MPP2: variants seen among roughly 807,000 people sequenced by gnomAD.
MPP2 encodes the protein MAGUK p55 scaffold protein 2.
MPP2 carries 42 observed loss-of-function variants against 58.5 expected under a neutral mutation model. That is an observed-to-expected ratio of 0.72 (90% CI 0.56 to 0.93). The LOEUF (loss-of-function observed/expected upper bound fraction) is 0.93, where lower values mean the gene tolerates loss of function less well. MPP2 is among the 40% of genes least tolerant of loss of function. The probability of loss-of-function intolerance (pLI) is 0.00; values close to 1 mark genes in which losing one functional copy is unlikely to be tolerated. For missense variants in MPP2, 632 were observed against 760.4 expected (o/e 0.83, Z 1.99); for synonymous variants, 300 against 307.8 (o/e 0.97, Z 0.26).
At chr17:43,885,879 G>A (rs910071157) in intron 3 of MPP2, among the ~76,000 whole-genome samples, 2 of 152,114 alleles carry the variant, frequency 1.3e-5, no homozygotes, top group African/African-American at 4.8e-5. Context: ...GGAAGCCAAG[G>A]CAGGAGGATC....
At position 43,900,722 on chromosome 17, in the gene MPP2, C is replaced by T. The variant is rs1374037490; in HGVS notation, c.32-2342G>A. On this transcript the variant is annotated intron_variant, in intron 2 of 12. Transcript: ENST00000269095. ...TGACCGCCTTGCTGATTGGCTAAAG[C>T]CCTGACTGGCGCTGCGCGGTGCAGA... The T allele has an allele frequency of 1.3e-5, 16 of 1,252,236 alleles. No individual in the cohort carries two copies. The East Asian group carries it at 3.6e-4, about 28-fold the overall frequency. 77.6% of individuals were successfully genotyped at this position (1,252,236 alleles called of 1,614,324 possible).
intron 3 of MPP2, among the ~76,000 whole-genome samples, chr17:43,892,900 A>T (rs231505): frequency 0.8 from 121,827 of 152,094 alleles, 49,815 homozygotes; most frequent in East Asian, 1. Context: ...CTTGGGCTTC[A>T]TCAGGAAAAC....
At chr17:43,884,379 T>C (rs1252655923) in intron 3 of MPP2, among the ~76,000 whole-genome samples, 1 of 152,238 alleles carries the variant, frequency 6.6e-6, no homozygotes, top group Admixed American at 6.5e-5. Context: ...TGTTTTGTTT[T>C]TTTTGTTTCT....
chr17:43,907,150 C>T, intron 1 of MPP2: 2 of 984,010 alleles, frequency 2.0e-6, no homozygotes, highest in South Asian at 4.7e-5. Flanking sequence ...CTTCTAAGTA[C>T]CCCCAACCCG....
upstream of MPP2, chr17:43,907,960 G>T (rs1162659676): frequency 1.0e-6 from 1 of 985,282 alleles, no homozygotes; most frequent in Non-Finnish European, 1.2e-6. Flanking sequence ...ACTTCAGAGA[G>T]ACTCCCAGGA....
chr17:43,899,368 C>T (rs537165), intron 2 of MPP2, among the ~76,000 whole-genome samples: 121,603 of 151,946 alleles, frequency 0.8, 49,671 homozygotes, highest in East Asian at 1. Flanking sequence ...AGACAGTACT[C>T]GGAGCAAGTC....
At chr17:43,900,578 C>G (rs911721031) in intron 2 of MPP2, 10 of 1,533,684 alleles carry the variant, frequency 6.5e-6, no homozygotes, top group Admixed American at 4.0e-5. Flanking sequence ...CGGGGACTCC[C>G]GGAGCGTCCT....
chr17:43,884,695 A>G (rs1343898786), intron 3 of MPP2, among the ~76,000 whole-genome samples: 1 of 152,218 alleles, frequency 6.6e-6, no homozygotes, highest in Non-Finnish European at 1.5e-5. Flanking sequence ...CTGTTCCCCC[A>G]AAATCCTTCA....
At chr17:43,904,370 G>C in intron 2 of MPP2, 60 bp downstream of exon 2, 1 of 1,564,110 alleles carries the variant, frequency 6.4e-7, no homozygotes, top group Non-Finnish European at 8.8e-7. Context: ...CCACCCCTAA[G>C]TCCTCGCCTG....
rs1054545970 is a variant in MPP2, at chr17:43,877,501, T to C, written c.*306A>G. The C allele has an allele frequency of 3.9e-5, 14 of 355,444 alleles. 1 individual carries two copies. In the South Asian group the frequency reaches 5.0e-4, roughly 13 times the overall value. The allele number at this position is 355,444 out of a possible 1,614,324, so 22.0% of individuals were successfully genotyped here. A position where few individuals can be genotyped will look rare whatever the true frequency, so the allele number is the denominator to read the frequency against. On this transcript the variant is annotated 3_prime_UTR_variant, in exon 13 of 13. Transcript: ENST00000269095. ...GTCCCAAAGCAGCTTTTCTCTTCTC[T>C]GTACTGACCATTATGGAGGTGACTC...
chr17:43,906,285 C>A, intron 1 of MPP2: 1 of 277,540 alleles, frequency 3.6e-6, no homozygotes, highest in Non-Finnish European at 5.4e-6. Context: ...TGCTCCCCCA[C>A]GCCCGTCCAA....
intron 3 of MPP2, among the ~76,000 whole-genome samples, chr17:43,895,089 T>C (rs1482173644): frequency 6.6e-6 from 1 of 152,032 alleles, no homozygotes; most frequent in African/African-American, 2.4e-5. Flanking sequence ...GGAGAGGCAT[T>C]AACTGTGCCA....
rs1244225078 is a variant in MPP2, at chr17:43,876,653, A to ACACG, written c.*1150_*1153dup. On this transcript the variant is annotated 3_prime_UTR_variant, in exon 13 of 13. Coordinates refer to ENST00000269095, the MANE Select transcript of MPP2 (RefSeq NM_005374.5). ...AATTAAACCTGACACACACACACAC[A>ACACG]CACGCACGTGCACACGCACACACAT... 1 of 96,886 alleles carries ACACG rather than the reference A, an allele frequency of 1.0e-5. No homozygotes were observed. 6.0% of individuals were successfully genotyped at this position (96,886 alleles called of 1,614,324 possible).
chr17:43,890,200 A>C (rs1222971312), intron 3 of MPP2, among the ~76,000 whole-genome samples: 1 of 152,124 alleles, frequency 6.6e-6, no homozygotes, highest in Non-Finnish European at 1.5e-5. Context: ...TAAGTGAACA[A>C]TTATTTCCCT....
chr17:43,899,786 C>T (rs997393668), intron 2 of MPP2, among the ~76,000 whole-genome samples: 1 of 152,096 alleles, frequency 6.6e-6, no homozygotes, highest in Non-Finnish European at 1.5e-5. Flanking sequence ...ACAATGCCCC[C>T]GAGACCTGAG....
In MPP2 at chr17:43,883,112, C is replaced by A. The variant is rs1017228883; in HGVS notation, c.304-60G>T. 11 of 1,562,740 alleles carry A rather than the reference C, an allele frequency of 7.0e-6. No individual in the cohort carries two copies. The African/African-American group carries it at 1.5e-4, about 21-fold the overall frequency. On this transcript the variant is annotated intron_variant, in intron 4 of 12. Coordinates refer to ENST00000269095, the MANE Select transcript of MPP2 (RefSeq NM_005374.5). The stretch of plus-strand genomic sequence containing the variant: ...CAGTGTCCCGGGTCTCTTCCCATCC[C>A]AGATCCAACTTCCTGCTGGCCCATC...
chr17:43,901,447 G>A, intron 2 of MPP2: 1 of 985,490 alleles, frequency 1.0e-6, no homozygotes, highest in Non-Finnish European at 1.2e-6. Flanking sequence ...TGGGCAGAAG[G>A]GAAGGACTCA....
chr17:43,899,279 A>G (rs961105489), intron 2 of MPP2, among the ~76,000 whole-genome samples: 2 of 152,010 alleles, frequency 1.3e-5, no homozygotes, highest in Non-Finnish European at 2.9e-5. Flanking sequence ...AAAGAAAACC[A>G]CAAGCTCCTC....
chr17:43,890,940 C>G (rs2047579640), intron 3 of MPP2, among the ~76,000 whole-genome samples: 1 of 152,228 alleles, frequency 6.6e-6, no homozygotes, highest in Non-Finnish European at 1.5e-5. Context: ...ACCACCCAAC[C>G]AACCCACAAA....
Sources: allele counts gnomAD v4.1 joint callset (sites outside exome capture counted in the v4.1 genomes callset), GRCh38; gene constraint gnomAD v4.1.1; transcripts MANE v1.5; gene names NCBI Gene and HGNC (gene_info 2026-07-23, HGNC 2026-07-21).